The following ANK1 variants were observed in gnomAD, a reference collection of about 807,000 sequenced individuals.
The protein encoded by ANK1 is ankyrin-1.
In ANK1, 51 loss-of-function variants were observed where a neutral mutation model predicts 210.4. The observed-to-expected ratio is 0.24, with a 90% confidence interval of 0.19 to 0.31. The LOEUF (loss-of-function observed/expected upper bound fraction) is 0.31. ANK1 is among the 10% of genes least tolerant of loss of function. The probability of loss-of-function intolerance (pLI) is 1.00; values close to 1 mark genes in which losing one functional copy is unlikely to be tolerated. For missense variants in ANK1, 2,051 were observed against 2,504.4 expected, an observed-to-expected ratio of 0.82 and a Z score of 3.86; for synonymous variants, 967 against 1,025.9, an observed-to-expected ratio of 0.94 and a Z score of 1.10.
intron 1 of ANK1, among the ~76,000 whole-genome samples, chr8:41,763,328 C>T (rs762669296): frequency 6.6e-6 from 1 of 152,048 alleles, no homozygotes; most frequent in Non-Finnish European, 1.5e-5. Flanking sequence ...TAATAGAATA[C>T]TAAAATTATA....
At chr8:41,711,950 A>C (rs986964524) in intron 16 of ANK1, among the ~76,000 whole-genome samples, 2 of 151,140 alleles carry the variant, frequency 1.3e-5, no homozygotes, top group African/African-American at 2.4e-5. Flanking sequence ...TTTTAGACAG[A>C]GTCTCGCTCT....
In ANK1 at chr8:41,654,856, C is replaced by G. The variant is rs1207996121; in HGVS notation, c.*934G>C. 5.2e-5 allele frequency: 8 copies of G among 152,586 alleles called. No individual in the cohort carries two copies. The highest frequency in any genetic ancestry group is 5.2e-4 in the Admixed American group (8 of 15,268). The allele number at this position is 152,586 out of a possible 1,614,324, so 9.5% of individuals were successfully genotyped here. ...ATCCTGGGTCAGCCACCGGCCTGTC[C>G]CCCAACTGAGAGAGGAGACCCTTTC... is the stretch of plus-strand genomic sequence containing the variant. On this transcript the variant is annotated 3_prime_UTR_variant, in exon 43 of 43. Transcript: ENST00000289734.
chr8:41,669,718 G>A (rs1811662181), intron 38 of ANK1, among the ~76,000 whole-genome samples: 1 of 152,088 alleles, frequency 6.6e-6, no homozygotes. Flanking sequence ...AATATGCCCT[G>A]CACCCGCCCA....
At chr8:41,872,771 C>G (rs1361677237) in intron 1 of ANK1, among the ~76,000 whole-genome samples, 2 of 152,318 alleles carry the variant, frequency 1.3e-5, no homozygotes, top group Non-Finnish European at 2.9e-5. Flanking sequence ...GAGGCCTGCC[C>G]AGGTCTCTCC....
intron 1 of ANK1, among the ~76,000 whole-genome samples, chr8:41,856,874 CTTTTTTTTTTT>C (rs35341809): frequency 4.2e-5 from 4 of 95,274 alleles, no homozygotes; most frequent in South Asian, 3.6e-4. Flanking sequence ...TAACAGCCCT[CTTTTTTTTTTT>C]TTTTTTTTTT....
intron 42 of ANK1, among the ~76,000 whole-genome samples, chr8:41,660,686 C>T (rs888412245): frequency 2.6e-5 from 4 of 152,346 alleles, no homozygotes; most frequent in African/African-American, 7.2e-5. Flanking sequence ...GCCCAGGCCC[C>T]GGCCCCAACC....
chr8:41,720,526 A>G (rs1828982832), intron 9 of ANK1, among the ~76,000 whole-genome samples: 1 of 152,208 alleles, frequency 6.6e-6, no homozygotes, highest in Non-Finnish European at 1.5e-5. Context: ...TTAATTCAAC[A>G]CATATCTATC....
intron 2 of ANK1, among the ~76,000 whole-genome samples, chr8:41,740,128 C>T (rs1437475856): frequency 2.7e-5 from 4 of 149,826 alleles, no homozygotes; most frequent in Non-Finnish European, 3.0e-5. Flanking sequence ...CAGCAGTAGT[C>T]GACCCCTGCT....
rs750320604 is a variant in ANK1, at chr8:41,715,054, G to A, written c.1623C>T (p.His541=). The change falls in exon 15 of 43, where the codon CAC becomes CAT. Residue 541 remains histidine, a synonymous_variant. Coordinates refer to ENST00000289734, the MANE Select transcript of ANK1 (RefSeq NM_000037.4). The stretch of plus-strand genomic sequence containing the variant: ...GCACCTTCCCGTACTTGGCCGCCAC[G>A]TGCAGAGGGGTAAATCCTTTCTGAG... ...CMTKKGFTPL[H]VAAKYGKVRV... is the part of the protein sequence containing the mutation. 24 of 1,613,994 alleles carry A rather than the reference G, an allele frequency of 1.5e-5. No homozygotes were observed. Among genetic ancestry groups the A allele is most frequent in the East Asian group, 2.2e-5 (1 of 44,884 alleles).
chr8:41,772,699 C>G (rs1231289213), intron 1 of ANK1, among the ~76,000 whole-genome samples: 1 of 152,220 alleles, frequency 6.6e-6, no homozygotes, highest in African/African-American at 2.4e-5. Context: ...CAGTTGTGCC[C>G]CCACGCTCCC....
At chr8:41,769,063 T>C (rs958915041) in intron 1 of ANK1, among the ~76,000 whole-genome samples, 1 of 152,098 alleles carries the variant, frequency 6.6e-6, no homozygotes, top group African/African-American at 2.4e-5. Flanking sequence ...TCAGGGGGCA[T>C]CCCAAGGAAG....
chr8:41,691,559 C>T (rs1819278220), intron 31 of ANK1, among the ~76,000 whole-genome samples: 2 of 152,202 alleles, frequency 1.3e-5, no homozygotes, highest in Admixed American at 6.5e-5. Context: ...AAGTGGGTCT[C>T]TTAGGATCGG....
At chr8:41,667,340 G>A (rs1585875402) in intron 39 of ANK1, among the ~76,000 whole-genome samples, 1 of 152,278 alleles carries the variant, frequency 6.6e-6, no homozygotes, top group South Asian at 2.1e-4. Flanking sequence ...GGAGAGGAGA[G>A]GAGGAAGCAC....
intron 10 of ANK1, among the ~76,000 whole-genome samples, chr8:41,718,552 A>AT (rs1362246702): frequency 6.6e-6 from 1 of 152,220 alleles, no homozygotes; most frequent in Admixed American, 6.5e-5. Context: ...TTGTGAAGCA[A>AT]ATCATGTTCC....
chr8:41,720,358 T>C (rs1338357313), intron 9 of ANK1, among the ~76,000 whole-genome samples: 1 of 152,178 alleles, frequency 6.6e-6, no homozygotes, highest in Non-Finnish European at 1.5e-5. Flanking sequence ...AATGAATGAA[T>C]TATGATAAAA....
chr8:41,735,320 A>G (rs1452176362), intron 2 of ANK1, among the ~76,000 whole-genome samples: 3 of 152,160 alleles, frequency 2.0e-5, no homozygotes, highest in African/African-American at 4.8e-5. Flanking sequence ...CCGTACAGAA[A>G]ATGATTTTAG....
In ANK1 at chr8:41,849,435, A is replaced by G. The variant is rs986887544; in HGVS notation, c.126+46920T>C. Among the ~76,000 whole-genome samples, 8 of 151,834 alleles carry G rather than the reference A, an allele frequency of 5.3e-5. No individual in the cohort carries two copies. The East Asian group carries it at 1.5e-3, about 29-fold the overall frequency. Reference sequence around the variant, plus strand: ...GCTACCAGGGAGGCTGAAGTAGAAGAATTGCTTGAACCCGGGAGGCAGAGA... The same window carrying G: ...GCTACCAGGGAGGCTGAAGTAGAAGGATTGCTTGAACCCGGGAGGCAGAGA... On this transcript the variant is annotated intron_variant, in intron 1 of 42. Transcript: ENST00000265709.
chr8:41,843,343 A>C (rs887098689), intron 1 of ANK1, among the ~76,000 whole-genome samples: 1 of 152,142 alleles, frequency 6.6e-6, no homozygotes. Context: ...CAGACATTGA[A>C]TCTGCTCCAT....
chr8:41,830,916 T>C (rs954153099), intron 1 of ANK1, among the ~76,000 whole-genome samples: 1 of 152,182 alleles, frequency 6.6e-6, no homozygotes, highest in Non-Finnish European at 1.5e-5. Flanking sequence ...ACACGGCTGT[T>C]TACATAATCA....
Sources: allele counts gnomAD v4.1 joint callset (sites outside exome capture counted in the v4.1 genomes callset), GRCh38; gene constraint gnomAD v4.1.1; transcripts MANE v1.5; gene names NCBI Gene and HGNC (gene_info 2026-07-23, HGNC 2026-07-21).